The following VPS54 variants were observed in gnomAD, a reference collection of about 807,000 sequenced individuals.
The protein encoded by VPS54 is VPS54 subunit of GARP complex, also known as vacuolar protein sorting-associated protein 54.
Under a neutral mutation model 121.5 loss-of-function variants are expected in VPS54, and 45 were observed. The ratio of observed to expected loss-of-function variants is 0.37; its 90% confidence interval spans 0.29 to 0.47. VPS54 has a LOEUF of 0.47. VPS54 is among the 20% of genes least tolerant of loss of function. The pLI is 0.99. For missense variants in VPS54, 1,090 were observed against 1,131.4 expected (o/e 0.96, Z 0.52); for synonymous variants, 371 against 385.8 (o/e 0.96, Z 0.45).
chr2:63,919,191 C>G (rs1575906436), intron 15 of VPS54, among the ~76,000 whole-genome samples: 1 of 152,032 alleles, frequency 6.6e-6, no homozygotes, highest in East Asian at 1.9e-4. Flanking sequence ...TCCCAGCCAT[C>G]TCTTCCACAT....
chr2:63,947,650 C>T (rs1367136188), intron 8 of VPS54, among the ~76,000 whole-genome samples, 160 bp from the exon 9 acceptor site: 1 of 151,886 alleles, frequency 6.6e-6, no homozygotes, highest in African/African-American at 2.4e-5. Context: ...GCAATCTTAT[C>T]ATGAGATTTT....
chr2:63,969,050 A>G (rs2104578600), intron 4 of VPS54, 59 bp from the exon 5 acceptor site: 1 of 1,397,884 alleles, frequency 7.2e-7, no homozygotes, highest in Non-Finnish European at 1.0e-6. Flanking sequence ...TAACTCCGTA[A>G]AATACATTTT....
rs539408614 is a variant in VPS54, at chr2:63,982,059, G to C, written c.137-172C>G. Among the ~76,000 whole-genome samples the C allele has an allele frequency of 2.0e-4, 30 of 152,278 alleles. No homozygotes were observed. The East Asian group carries it at 4.2e-3, about 22-fold the overall frequency. ...CTGATTGAATAACCTTCAGCTGGCA[G>C]CATCAATTACTAAGGCTTTGAAAAA... On this transcript the variant is annotated intron_variant, in intron 2 of 22. Transcript: ENST00000272322.
intron 1 of VPS54, among the ~76,000 whole-genome samples, chr2:63,997,988 G>A (rs944098068): frequency 2.6e-5 from 4 of 152,026 alleles, no homozygotes; most frequent in Admixed American, 6.6e-5. Flanking sequence ...TGTTTGTATG[G>A]TTTCCAGAAT....
chr2:64,011,424 G>C (rs1316175324), intron 1 of VPS54, among the ~76,000 whole-genome samples: 2 of 152,052 alleles, frequency 1.3e-5, no homozygotes, highest in Non-Finnish European at 2.9e-5. Flanking sequence ...AAGTTAGCCG[G>C]GCATGGTGGT....
intron 1 of VPS54, among the ~76,000 whole-genome samples, chr2:63,996,398 G>A (rs976304086): frequency 6.6e-6 from 1 of 152,128 alleles, no homozygotes; most frequent in Non-Finnish European, 1.5e-5. Context: ...AGCTGAGGAT[G>A]TATGTCACCT....
intron 1 of VPS54, among the ~76,000 whole-genome samples, chr2:63,990,343 C>T (rs565150907): frequency 1.3e-5 from 2 of 152,098 alleles, no homozygotes; most frequent in African/African-American, 4.8e-5. Context: ...TCAGACAGCC[C>T]GGGACCATAT....
intron 5 of VPS54, 115 bp downstream of exon 5, chr2:63,968,842 G>A (rs1676134765): frequency 9.7e-6 from 8 of 820,718 alleles, no homozygotes; most frequent in Non-Finnish European, 1.0e-5. Flanking sequence ...AGCCCCACAA[G>A]AGACAAAGTA....
intron 11 of VPS54, among the ~76,000 whole-genome samples, chr2:63,941,396 A>T (rs969671934): frequency 1.3e-5 from 2 of 151,856 alleles, no homozygotes; most frequent in Non-Finnish European, 2.9e-5. Context: ...GGCTAATTTA[A>T]AAATTTATTT....
chr2:63,949,566 T>G (rs1675143148), intron 7 of VPS54, among the ~76,000 whole-genome samples: 1 of 152,112 alleles, frequency 6.6e-6, no homozygotes, highest in South Asian at 2.1e-4. Context: ...CTAGAGAAAA[T>G]ATGGTACTAA....
At chr2:64,013,723 G>GAT (rs531676186) in intron 1 of VPS54, among the ~76,000 whole-genome samples, 230 of 146,146 alleles carry the variant, frequency 1.6e-3, no homozygotes, top group Middle Eastern at 0.011. Flanking sequence ...CATATAGAGA[G>GAT]ATATATATAT....
chr2:63,904,008 TTAAA>T (rs1330226232), intron 20 of VPS54, among the ~76,000 whole-genome samples: 3 of 151,932 alleles, frequency 2.0e-5, no homozygotes, highest in East Asian at 1.9e-4. Flanking sequence ...GAAACTAACT[TTAAA>T]TAAGGCATAG....
chr2:63,986,738 A>G (rs1677071329), intron 1 of VPS54, among the ~76,000 whole-genome samples: 1 of 152,198 alleles, frequency 6.6e-6, no homozygotes. Context: ...TATTCTCCAC[A>G]TCTTCGCAAG....
intron 7 of VPS54, among the ~76,000 whole-genome samples, chr2:63,953,348 G>C (rs1187378407): frequency 6.6e-6 from 1 of 151,984 alleles, no homozygotes; most frequent in Admixed American, 6.6e-5. Context: ...GGCCAGGCTG[G>C]TTTTGAGCTC....
At position 63,899,591 on chromosome 2, in the gene VPS54, A is replaced by T; in HGVS notation, c.2626-10T>A. The T allele has an allele frequency of 6.2e-7, 1 of 1,603,706 alleles. No individual in the cohort carries two copies. The highest frequency in any genetic ancestry group is 8.5e-7 in the Non-Finnish European group (1 of 1,172,178). ...GAGCCTTCACTTCATACTGGTAGGAAAAAATAATGAGAATTATGTTCATGT... is the reference window on the plus strand; with the variant it reads ...GAGCCTTCACTTCATACTGGTAGGATAAAATAATGAGAATTATGTTCATGT... On this transcript the variant is annotated splice_polypyrimidine_tract_variant and intron_variant, in intron 20 of 22. Transcript: ENST00000272322.
intron 1 of VPS54, among the ~76,000 whole-genome samples, chr2:64,016,124 A>C (rs1319599734): frequency 1.3e-5 from 2 of 152,174 alleles, no homozygotes; most frequent in Non-Finnish European, 2.9e-5. Context: ...GCAGGAAGTA[A>C]GCTGATGACC....
chr2:63,974,509 G>A (rs1676428485), intron 3 of VPS54, among the ~76,000 whole-genome samples: 1 of 152,054 alleles, frequency 6.6e-6, no homozygotes, highest in Non-Finnish European at 1.5e-5. Context: ...GGATTATGTT[G>A]ACTCTATTGA....
intron 1 of VPS54, among the ~76,000 whole-genome samples, chr2:64,006,685 G>A (rs1023773452): frequency 2.6e-5 from 4 of 151,740 alleles, no homozygotes; most frequent in African/African-American, 7.3e-5. Context: ...TGGTGCAATC[G>A]CGGCTTCACT....
At chr2:63,985,961 AAC>A (rs1054270717) in intron 1 of VPS54, among the ~76,000 whole-genome samples, 14 of 152,350 alleles carry the variant, frequency 9.2e-5, no homozygotes, top group African/African-American at 3.1e-4. Flanking sequence ...AAGGGTAAGA[AAC>A]ACTGTACAAC....
Sources: gnomAD v4.1 joint callset for allele counts (sites outside exome capture counted in the v4.1 genomes callset) on GRCh38, gnomAD v4.1.1 for gene constraint, MANE v1.5 for transcripts, NCBI Gene and HGNC (gene_info 2026-07-23, HGNC 2026-07-21) for gene names.